The following CEP170B variants were observed in gnomAD, a reference collection of about 807,000 sequenced individuals.
The protein encoded by CEP170B is centrosomal protein of 170 kDa protein B.
In CEP170B, 55 loss-of-function variants were observed where a neutral mutation model predicts 120.6. The observed-to-expected ratio is 0.46, with a 90% confidence interval of 0.37 to 0.57. The LOEUF (loss-of-function observed/expected upper bound fraction) is 0.57. Among genes scored for constraint, CEP170B ranks in the 20% least tolerant of loss-of-function variants. The pLI is 0.00. For missense variants in CEP170B, 2,212 were observed against 2,253.3 expected (o/e 0.98, Z 0.37); for synonymous variants, 1,033 against 954.5 (o/e 1.08, Z -1.52).
At position 104,887,171 on chromosome 14, in the gene CEP170B, C is replaced by A; in HGVS notation, c.2932C>A (p.Pro978Thr). ...CGGGCCCAGCCCCACAACCCCCCAG[C>A]CTCTGCGGGCACAGAAGGAGATGTC... is the stretch of plus-strand genomic sequence containing the variant. ...KSGPSPTTPQPLRAQKEMSPS... is the reference protein window; with the variant it reads ...KSGPSPTTPQTLRAQKEMSPS... Residue 978 changes from proline to threonine, a missense_variant, in exon 12 of 19, where the codon CCT (proline) becomes ACT (threonine). Physicochemically the swap from Pro to Thr is conservative, Grantham distance 38. Transcript: ENST00000414716. The A allele has an allele frequency of 5.6e-6, 9 of 1,607,996 alleles. No individual in the cohort carries two copies. The highest frequency in any genetic ancestry group is 7.6e-6 in the Non-Finnish European group (9 of 1,179,746).
At chr14:104,877,456 G>A (rs908362949) in intron 3 of CEP170B, among the ~76,000 whole-genome samples, 1 of 152,200 alleles carries the variant, frequency 6.6e-6, no homozygotes, top group African/African-American at 2.4e-5. Context: ...GGGGGTATCA[G>A]ACCCTCTGAG....
intron 16 of CEP170B, 58 bp downstream of exon 16, chr14:104,893,907 G>A: frequency 1.3e-6 from 2 of 1,498,348 alleles, no homozygotes; most frequent in Non-Finnish European, 1.8e-6. Context: ...TGCATGAGCT[G>A]AGACTCAGCC....
chr14:104,866,028 G>C (rs1895186709), intron 1 of CEP170B, among the ~76,000 whole-genome samples: 1 of 152,200 alleles, frequency 6.6e-6, no homozygotes. Flanking sequence ...CCCTGCCCTG[G>C]GCCTAGCCAC....
intron 10 of CEP170B, among the ~76,000 whole-genome samples, chr14:104,885,824 G>A (rs1000693009): frequency 1.3e-5 from 2 of 152,224 alleles, no homozygotes; most frequent in Admixed American, 1.3e-4. Flanking sequence ...GCCTGGGCTG[G>A]GCAGGCAGGG....
rs1896238646 is a variant in CEP170B, at chr14:104,883,027, C to G, written c.578-8C>G. ...GAGGCCCGGTCTGAAGACATCTTCC[C>G]ACACCAGAGCGCCCCAAGGGACCAG... On this transcript the variant is annotated splice_polypyrimidine_tract_variant and splice_region_variant and intron_variant, in intron 7 of 18. Transcript: ENST00000414716. 1 of 1,503,778 alleles carries G rather than the reference C, an allele frequency of 6.6e-7. No individual in the cohort carries two copies. Among genetic ancestry groups the G allele is most frequent in the Non-Finnish European group, 8.9e-7 (1 of 1,126,436 alleles). 93.2% of individuals were successfully genotyped at this position (1,503,778 alleles called of 1,614,324 possible).
At position 104,870,520 on chromosome 14, in the gene CEP170B, G is replaced by A. The variant is rs992400085; in HGVS notation, c.105+1965G>A. Among the ~76,000 whole-genome samples, 1 of 152,108 alleles carries A rather than the reference G, an allele frequency of 6.6e-6. No homozygotes were observed. The highest frequency in any genetic ancestry group is 6.5e-5 in the Admixed American group (1 of 15,276). On this transcript the variant is annotated intron_variant, in intron 2 of 18. Coordinates refer to ENST00000414716, the MANE Select transcript of CEP170B (RefSeq NM_001112726.3). This position sits in a 1 kb window ranked among gnomAD's most constrained non-coding sequence, Gnocchi z 4.1. ...GCTAGGAGGGCTTCTTGGAGGCGGC[G>A]GCACTTTGGAGCCTCTGGAAGAAGC...
intron 8 of CEP170B, 127 bp downstream of exon 8, chr14:104,883,635 T>G: frequency 8.7e-7 from 1 of 1,153,062 alleles, no homozygotes; most frequent in Non-Finnish European, 1.2e-6. Flanking sequence ...TTCAGTTAAT[T>G]GCCTAAGAGC....
In CEP170B at chr14:104,868,292, G is replaced by C. The variant is rs1156914488; in HGVS notation, c.-27-132G>C. ...CCAGGGAGGGCGGGTGGCCTGATGA[G>C]GCTGGAGCCCAGCTTCTCCGGAAGC... On this transcript the variant is annotated intron_variant, in intron 1 of 18. Transcript: ENST00000414716. The surrounding 1 kb of genome is among the most constrained non-coding windows in gnomAD (Gnocchi z 5.9). 3.0e-6 allele frequency: 2 copies of C among 656,338 alleles called. No homozygotes were observed. The allele number at this position is 656,338 out of a possible 1,614,324, so 40.7% of individuals were successfully genotyped here.
chr14:104,882,808 C>A lies in CEP170B; in HGVS notation c.553C>A (p.Gln185Lys). The change falls in exon 7 of 19, where the codon CAG becomes AAG. Residue 185 changes from glutamine (Q) to lysine (K), a missense_variant. Transcript: ENST00000414716. ...CGATGGTAGCACGCTGCCTGACGCC[C>A]AGCGCCAGGGAGAGCCCTACCCAGG... is the stretch of plus-strand genomic sequence containing the variant. ...EDDGSTLPDA[Q>K]RQGEPYPERP... The A allele has an allele frequency of 6.2e-7, 1 of 1,612,202 alleles. No homozygotes were observed.
Position 104,867,785 on chromosome 14 carries a change from G to A in CEP170B, c.-27-639G>A, listed in dbSNP as rs1204811458. Among the ~76,000 whole-genome samples the A allele has an allele frequency of 6.6e-6, 1 of 152,046 alleles. No homozygotes were observed. The highest frequency in any genetic ancestry group is 1.5e-5 in the Non-Finnish European group (1 of 67,998). On this transcript the variant is annotated intron_variant, in intron 1 of 18. Transcript: ENST00000414716. The surrounding 1 kb of genome is among the most constrained non-coding windows in gnomAD (Gnocchi z 5.4). Reference sequence around the variant, plus strand: ...CCTCACTTCCCTCTTGGGCACTGAAGGGGCTGCCTGATGCTGTCCTTGCAC... The same window carrying A: ...CCTCACTTCCCTCTTGGGCACTGAAAGGGCTGCCTGATGCTGTCCTTGCAC...
rs202076884 is a variant in CEP170B, at chr14:104,887,084, G to A, written c.2845G>A (p.Ala949Thr). Residue 949 changes from alanine to threonine, a missense_variant, in exon 12 of 19, where the codon GCC (alanine) becomes ACC (threonine). Around this residue, in one of 2 missense-constraint regions of CEP170B, gnomAD observed 2,166 missense variants for 2,166.7 expected, o/e 1.00. Transcript: ENST00000414716. ...CAGCACCCCGAGGCCGCCGGAGGAC[G>A]CCCTGTCTGGGGACTCGGACGTGGA... ...GGSTPRPPED[A>T]LSGDSDVDTA... The A allele has an allele frequency of 1.1e-4, 171 of 1,611,384 alleles. No homozygotes were observed. Among genetic ancestry groups the A allele is most frequent in the Admixed American group, 9.5e-4 (57 of 60,002 alleles).
intron 14 of CEP170B, 56 bp from the exon 15 acceptor site, chr14:104,893,467 A>G: frequency 6.4e-7 from 1 of 1,560,710 alleles, no homozygotes; most frequent in African/African-American, 1.4e-5. Context: ...AGGTGCAGCC[A>G]CAGCCTGGCA....
rs1481988002 is a variant in CEP170B, at chr14:104,894,997, C to T, written c.*39C>T. 5.4e-6 allele frequency: 8 copies of T among 1,483,924 alleles called. No individual in the cohort carries two copies. Among genetic ancestry groups the T allele is most frequent in the South Asian group, 1.3e-5 (1 of 74,168 alleles). The allele number at this position is 1,483,924 out of a possible 1,614,324, so 91.9% of individuals were successfully genotyped here. On this transcript the variant is annotated 3_prime_UTR_variant, in exon 19 of 19. Transcript: ENST00000414716. ...CCAGGCCAGCCTCCCTGTGCGTGTG[C>T]GTCTCTGCCTTCCGTCCGCCGCACA...
At chr14:104,882,860 C>A (rs2140685475) in intron 7 of CEP170B, 28 bp downstream of exon 7, 19 of 1,599,664 alleles carry the variant, frequency 1.2e-5, no homozygotes, top group Non-Finnish European at 1.6e-5. Context: ...GCTGGTGAGA[C>A]CCTGAGGGCT....
In CEP170B at chr14:104,887,448, C is replaced by T. The variant is rs749765770; in HGVS notation, c.3209C>T (p.Ala1070Val). 6.2e-7 allele frequency: 1 copy of T among 1,611,352 alleles called. No homozygotes were observed. Among genetic ancestry groups the T allele is most frequent in the South Asian group, 1.1e-5 (1 of 90,888 alleles). ...GCCTCCAACCACGAAACCCCTGAGG[C>T]CACCGGGGCAGGACGGCTAGGTTCT... ...VMASNHETPE[A>V]TGAGRLGSRR... The change falls in exon 12 of 19, where the codon GCC becomes GTC. Residue 1070 changes from alanine (A) to valine (V), a missense_variant. Ala to Val is a moderately conservative substitution (Grantham distance 64). Transcript: ENST00000414716.
In CEP170B at chr14:104,870,645, G is replaced by C. The variant is rs375234580; in HGVS notation, c.105+2090G>C. ...TGCTTCTCCCTGGGGTAGGGGAAAA[G>C]TGCTGGGGGCAGGGTGCTCAGGGTG... On this transcript the variant is annotated intron_variant, in intron 2 of 18. Coordinates refer to ENST00000414716, the MANE Select transcript of CEP170B (RefSeq NM_001112726.3). This position sits in a 1 kb window ranked among gnomAD's most constrained non-coding sequence, Gnocchi z 4.1. Among the ~76,000 whole-genome samples, 7 of 151,944 alleles carry C rather than the reference G, an allele frequency of 4.6e-5. No homozygotes were observed. The highest frequency in any genetic ancestry group is 8.8e-5 in the Non-Finnish European group (6 of 67,948).
intron 3 of CEP170B, among the ~76,000 whole-genome samples, chr14:104,876,876 G>C (rs544529476): frequency 6.6e-6 from 1 of 152,230 alleles, no homozygotes; most frequent in Non-Finnish European, 1.5e-5. Context: ...AAGGTAACCC[G>C]GAGGGAACCC....
intron 12 of CEP170B, chr14:104,889,402 G>A (rs1340747981): frequency 5.6e-6 from 7 of 1,240,900 alleles, no homozygotes; most frequent in Admixed American, 3.0e-5. Flanking sequence ...CAGCCTCGAC[G>A]CTGCCCAGCC....
rs1404872562 is a variant in CEP170B, at chr14:104,894,311, C to T, written c.4298C>T (p.Ala1433Val). The change falls in exon 17 of 19, where the codon GCT (alanine) becomes GTT (valine). Residue 1433 changes from alanine (A) to valine (V), a missense_variant. Around this residue, in one of 2 missense-constraint regions of CEP170B, gnomAD observed 2,166 missense variants for 2,166.7 expected, o/e 1.00. Transcript: ENST00000414716. ...MKILFQNTGR[A>V]WEDLEARINA... ...ATCCTCTTTCAGAACACAGGGAGAG[C>T]TTGGGAGGACCTGGAAGCCAGGATC... 6.2e-7 allele frequency: 1 copy of T among 1,613,556 alleles called. No homozygotes were observed. Among genetic ancestry groups the T allele is most frequent in the East Asian group, 2.2e-5 (1 of 44,882 alleles).
Sources: allele counts gnomAD v4.1 joint callset (sites outside exome capture counted in the v4.1 genomes callset), GRCh38; gene constraint gnomAD v4.1.1; regional missense constraint gnomAD v4.1.1; non-coding constraint Gnocchi (gnomAD v3.1); transcripts MANE v1.5; gene names NCBI Gene and HGNC (gene_info 2026-07-23, HGNC 2026-07-21).